Variants in DLGAP4 observed in about 807,000 individuals in gnomAD.
The protein encoded by DLGAP4 is DLG associated protein 4.
Under a neutral mutation model 86.9 loss-of-function variants are expected in DLGAP4, and 18 were observed. That is an observed-to-expected ratio of 0.21 (90% CI 0.14 to 0.31). The LOEUF (loss-of-function observed/expected upper bound fraction) is 0.31. Among genes scored for constraint, DLGAP4 ranks in the 10% least tolerant of loss-of-function variants. The probability of loss-of-function intolerance (pLI) is 1.00; values close to 1 mark genes in which losing one functional copy is unlikely to be tolerated. For missense variants in DLGAP4, 1,085 were observed against 1,362.6 expected (o/e 0.80, Z 3.21); for synonymous variants, 548 against 574.3 (o/e 0.95, Z 0.65).
chr20:36,386,732 G>T (rs1478041163), intron 2 of DLGAP4, among the ~76,000 whole-genome samples: 1 of 152,080 alleles, frequency 6.6e-6, no homozygotes, highest in Non-Finnish European at 1.5e-5. Context: ...GACTATAGGT[G>T]TGCACTACCA....
intron 1 of DLGAP4, among the ~76,000 whole-genome samples, chr20:36,330,024 CAAA>C (rs574074810): frequency 8.6e-5 from 10 of 116,298 alleles, no homozygotes; most frequent in Non-Finnish European, 9.4e-5. Flanking sequence ...ACTCTTGTCT[CAAA>C]AAAAAAAAAA....
chr20:36,486,160 A>T (rs1285669069), intron 7 of DLGAP4, among the ~76,000 whole-genome samples: 1 of 152,176 alleles, frequency 6.6e-6, no homozygotes, highest in Non-Finnish European at 1.5e-5. Context: ...CCAACCATGT[A>T]TTGAGCCTGG....
At chr20:36,323,949 A>G (rs2065193700) in intron 1 of DLGAP4, among the ~76,000 whole-genome samples, 3 of 152,208 alleles carry the variant, frequency 2.0e-5, no homozygotes, top group African/African-American at 4.8e-5. Context: ...CAGGCCACAG[A>G]CTGGTACAGG....
intron 2 of DLGAP4, among the ~76,000 whole-genome samples, chr20:36,387,638 A>G (rs1344623344): frequency 1.3e-5 from 2 of 152,180 alleles, no homozygotes; most frequent in Admixed American, 6.5e-5. Flanking sequence ...TTTGTTTCAT[A>G]TTGAGATATT....
At chr20:36,319,828 T>C (rs1555890344) in intron 1 of DLGAP4, among the ~76,000 whole-genome samples, 3 of 152,006 alleles carry the variant, frequency 2.0e-5, no homozygotes, top group African/African-American at 7.3e-5. Context: ...TGGGCCCTCC[T>C]CCCCTCACCA....
chr20:36,482,746 A>T (rs1311421360), intron 7 of DLGAP4, among the ~76,000 whole-genome samples: 1 of 152,100 alleles, frequency 6.6e-6, no homozygotes, highest in Non-Finnish European at 1.5e-5. Flanking sequence ...ATCTTGGTTC[A>T]CTACAACCTC....
At chr20:36,514,153 G>A (rs116369683) in intron 10 of DLGAP4, among the ~76,000 whole-genome samples, 370 of 111,820 alleles carry the variant, frequency 3.3e-3, no homozygotes, top group African/African-American at 0.017. Context: ...CCTGAACAAC[G>A]TTCTCAAGGG....
intron 7 of DLGAP4, among the ~76,000 whole-genome samples, chr20:36,492,083 G>A (rs1375684452): frequency 6.6e-6 from 1 of 152,234 alleles, no homozygotes. Context: ...AAGCCTTCCA[G>A]GCAGAAGAAC....
intron 11 of DLGAP4, 71 bp from the exon 12 acceptor site, chr20:36,525,780 T>TGTTGGGGG: frequency 1.3e-6 from 2 of 1,591,236 alleles, no homozygotes; most frequent in Non-Finnish European, 1.7e-6. Context: ...GAACCCTGCT[T>TGTTGGGGG]GTTGGGGGGT....
At chr20:36,430,998 C>CCATG (rs1028883287) in intron 2 of DLGAP4, among the ~76,000 whole-genome samples, 8 of 151,638 alleles carry the variant, frequency 5.3e-5, no homozygotes, top group African/African-American at 1.9e-4. Flanking sequence ...CTCTAAAAGT[C>CCATG]CATGTTTTTC....
chr20:36,515,271 C>T (rs534169459), intron 10 of DLGAP4, among the ~76,000 whole-genome samples: 1 of 152,316 alleles, frequency 6.6e-6, no homozygotes, highest in Non-Finnish European at 1.5e-5. Flanking sequence ...CAGATGTTCA[C>T]TGATCCATTC....
At chr20:36,436,413 T>G in intron 4 of DLGAP4, 63 bp downstream of exon 4, 1 of 1,490,908 alleles carries the variant, frequency 6.7e-7, no homozygotes, top group African/African-American at 1.4e-5. Context: ...CTACGAGTCT[T>G]GCTCCCTGGG....
At chr20:36,374,713 G>A (rs529036314) in intron 2 of DLGAP4, among the ~76,000 whole-genome samples, 2 of 152,336 alleles carry the variant, frequency 1.3e-5, no homozygotes, top group South Asian at 4.1e-4. Flanking sequence ...TTCCCACCCT[G>A]AGTCAGAATT....
intron 2 of DLGAP4, among the ~76,000 whole-genome samples, chr20:36,373,098 C>T (rs2031008282): frequency 6.6e-6 from 1 of 152,092 alleles, no homozygotes; most frequent in African/African-American, 2.4e-5. Flanking sequence ...GTGGCTTCCT[C>T]TGGATGGTGA....
Position 36,528,358 on chromosome 20 carries a change from C to T in DLGAP4, c.*1327C>T, listed in dbSNP as rs555460091. ...GGCAGGGGCTGAGCCCCGAAGCCAG[C>T]TCAGTACCTGAGGGGCTGCTCTATG... On this transcript the variant is annotated 3_prime_UTR_variant, in exon 13 of 13. Coordinates refer to ENST00000339266, the MANE Select transcript of DLGAP4 (RefSeq NM_001365621.2). 1 of 152,778 alleles carries T rather than the reference C, an allele frequency of 6.5e-6. No homozygotes were observed. Among genetic ancestry groups the T allele is most frequent in the South Asian group, 2.1e-4 (1 of 4,832 alleles). 9.5% of individuals were successfully genotyped at this position (152,778 alleles called of 1,614,324 possible).
At chr20:36,447,190 C>T (rs528695042) in intron 7 of DLGAP4, among the ~76,000 whole-genome samples, 3 of 152,290 alleles carry the variant, frequency 2.0e-5, no homozygotes, top group South Asian at 4.1e-4. Context: ...GGGGCTGGAG[C>T]TTGTAGGGTA....
chr20:36,470,682 GCAGCTATTGT>G (rs1413985466), intron 7 of DLGAP4, among the ~76,000 whole-genome samples: 2 of 151,842 alleles, frequency 1.3e-5, no homozygotes, highest in Admixed American at 1.3e-4. Context: ...AGCATCACGT[GCAGCTATTGT>G]CAGTAACATC....
intron 10 of DLGAP4, among the ~76,000 whole-genome samples, chr20:36,518,239 A>C (rs2037159511): frequency 6.6e-6 from 1 of 151,728 alleles, no homozygotes; most frequent in African/African-American, 2.4e-5. Context: ...AAAAAAAAAA[A>C]CCAGGATTTT....
chr20:36,349,905 G>C (rs1384438065), intron 1 of DLGAP4, among the ~76,000 whole-genome samples: 1 of 152,156 alleles, frequency 6.6e-6, no homozygotes, highest in Non-Finnish European at 1.5e-5. Context: ...CGCGTCCCAG[G>C]GGATGGGCTG....
Sources: gnomAD v4.1 joint callset for allele counts (sites outside exome capture counted in the v4.1 genomes callset) on GRCh38, gnomAD v4.1.1 for gene constraint, MANE v1.5 for transcripts, NCBI Gene and HGNC (gene_info 2026-07-23, HGNC 2026-07-21) for gene names.